Variants in RBFOX3 observed in about 807,000 individuals in gnomAD.
RBFOX3 encodes the protein RNA binding fox-1 homolog 3.
In RBFOX3, 17 loss-of-function variants were observed where a neutral mutation model predicts 48.7. The ratio of observed to expected loss-of-function variants is 0.35; its 90% confidence interval spans 0.24 to 0.52. The LOEUF (loss-of-function observed/expected upper bound fraction) is 0.52, where lower values mean the gene tolerates loss of function less well. Ranked by LOEUF, RBFOX3 falls within the 20% of genes least tolerant of loss-of-function variation. RBFOX3 has a pLI of 0.94. For synonymous variants in RBFOX3, 212 were observed against 209.5 expected (o/e 1.01, Z -0.10); for missense variants, 382 against 497.5 (o/e 0.77, Z 2.21).
intron 1 of RBFOX3, among the ~76,000 whole-genome samples, chr17:79,555,060 T>G (rs2091514379): frequency 6.6e-6 from 1 of 152,170 alleles, no homozygotes; most frequent in South Asian, 2.1e-4. Context: ...CAGGCAGACT[T>G]GAGTTGGAAT....
chr17:79,506,268 G>C (rs2083103201), intron 1 of RBFOX3, among the ~76,000 whole-genome samples: 1 of 152,206 alleles, frequency 6.6e-6, no homozygotes, highest in Non-Finnish European at 1.5e-5. Flanking sequence ...AGAAGGGGTG[G>C]GGAGGGACTT....
intron 4 of RBFOX3, among the ~76,000 whole-genome samples, chr17:79,143,079 G>A (rs2042231017): frequency 6.6e-6 from 1 of 152,184 alleles, no homozygotes; most frequent in Non-Finnish European, 1.5e-5. Context: ...GGGACTCACA[G>A]CAGGCTGCAA....
intron 1 of RBFOX3, among the ~76,000 whole-genome samples, chr17:79,516,511 C>T (rs2085269069): frequency 1.3e-5 from 2 of 152,266 alleles, no homozygotes; most frequent in South Asian, 2.1e-4. Flanking sequence ...AGAGGGGCTC[C>T]AGGCCTTAGA....
chr17:79,476,606 A>G (rs2077797909), intron 2 of RBFOX3, among the ~76,000 whole-genome samples: 1 of 152,182 alleles, frequency 6.6e-6, no homozygotes, highest in Non-Finnish European at 1.5e-5. Flanking sequence ...TTGAAGGGGA[A>G]AGGAAAGAGG....
intron 1 of RBFOX3, among the ~76,000 whole-genome samples, chr17:79,533,286 G>A (rs2088132010): frequency 6.6e-6 from 1 of 152,244 alleles, no homozygotes; most frequent in African/African-American, 2.4e-5. Flanking sequence ...ACTGGAGGCA[G>A]AGAGTCGAGT....
At chr17:79,595,312 G>A (rs1936115154) in intron 1 of RBFOX3, among the ~76,000 whole-genome samples, 1 of 152,174 alleles carries the variant, frequency 6.6e-6, no homozygotes, top group Non-Finnish European at 1.5e-5. Flanking sequence ...TCCCACTGAG[G>A]CCCACCGTGC....
At chr17:79,327,996 CCTT>C (rs1020046412) in intron 2 of RBFOX3, among the ~76,000 whole-genome samples, 23 of 152,306 alleles carry the variant, frequency 1.5e-4, no homozygotes, top group African/African-American at 2.9e-4. Flanking sequence ...ACCTGGCCTT[CCTT>C]CTCTCTCTTA....
chr17:79,366,363 T>C (rs1319273752), intron 2 of RBFOX3, among the ~76,000 whole-genome samples: 4 of 152,214 alleles, frequency 2.6e-5, no homozygotes, highest in African/African-American at 4.8e-5. Context: ...GCTGTCTCTA[T>C]ACTAAGCCGT....
intron 4 of RBFOX3, among the ~76,000 whole-genome samples, chr17:79,169,816 A>C (rs2048773251): frequency 6.6e-6 from 1 of 152,208 alleles, no homozygotes; most frequent in Admixed American, 6.5e-5. Flanking sequence ...CACAACGCTG[A>C]GAATATACTG....
intron 4 of RBFOX3, among the ~76,000 whole-genome samples, chr17:79,149,619 C>T (rs921053277): frequency 5.3e-5 from 8 of 152,020 alleles, no homozygotes; most frequent in African/African-American, 7.2e-5. Context: ...CTGCCTTCCC[C>T]GCCAGCTGGA....
intron 4 of RBFOX3, among the ~76,000 whole-genome samples, chr17:79,173,621 G>A (rs1001048868): frequency 2.6e-5 from 4 of 152,154 alleles, no homozygotes; most frequent in African/African-American, 7.2e-5. Context: ...GTGACGGCAC[G>A]GCACTGGATG....
chr17:79,665,231 T>C, the RBFOX3 span, among the ~76,000 whole-genome samples: 1 of 152,238 alleles, frequency 6.6e-6, no homozygotes. Context: ...AGAATTTTTA[T>C]GTCCCTTTTA....
At chr17:79,508,953 T>G (rs1478411732) in intron 1 of RBFOX3, 1 of 152,328 alleles carries the variant, frequency 6.6e-6, no homozygotes, top group African/African-American at 2.4e-5. Flanking sequence ...CCAGTCCACA[T>G]CAGGCTCTCA....
chr17:79,138,775 CA>C (rs1440055848), intron 4 of RBFOX3, among the ~76,000 whole-genome samples: 57 of 116,810 alleles, frequency 4.9e-4, no homozygotes, highest in African/African-American at 6.8e-4. Flanking sequence ...AACATGCACA[CA>C]GCACATGCCT....
intron 4 of RBFOX3, among the ~76,000 whole-genome samples, chr17:79,117,121 G>T (rs2034243338): frequency 6.6e-6 from 1 of 152,224 alleles, no homozygotes; most frequent in South Asian, 2.1e-4. Flanking sequence ...GTCCTCCACT[G>T]CAGACACAGC....
intron 1 of RBFOX3, among the ~76,000 whole-genome samples, chr17:79,533,616 C>T (rs80232006): frequency 0.025 from 3,879 of 152,298 alleles, 101 homozygotes; most frequent in African/African-American, 0.056. Context: ...ATAGATACCC[C>T]GCGATGGGGA....
At chr17:79,371,815 G>A (rs774360629) in intron 2 of RBFOX3, among the ~76,000 whole-genome samples, 1 of 152,216 alleles carries the variant, frequency 6.6e-6, no homozygotes, top group Non-Finnish European at 1.5e-5. Context: ...CGTGCCCTGA[G>A]GGACCTGGCA....
intron 2 of RBFOX3, among the ~76,000 whole-genome samples, chr17:79,453,240 C>T (rs2073874493): frequency 6.6e-6 from 1 of 152,266 alleles, no homozygotes; most frequent in Non-Finnish European, 1.5e-5. Context: ...ATGCTGGCCA[C>T]ACCCTAAGTC....
rs959572654 is a variant in RBFOX3, at chr17:79,361,032, T to C, written c.-174-53208A>G. Among the ~76,000 whole-genome samples the C allele has an allele frequency of 3.3e-5, 5 of 152,114 alleles. No homozygotes were observed. Among genetic ancestry groups the C allele is most frequent in the African/African-American group, 1.2e-4 (5 of 41,418 alleles). ...CCGTGCCTGGGAAGAACATCAGCTT[T>C]TGGAAACAGAAGTTCACGTCTCAGG... On this transcript the variant is annotated intron_variant, in intron 2 of 14. Coordinates refer to ENST00000693108, the MANE Select transcript of RBFOX3 (RefSeq NM_001350451.2). The surrounding 1 kb of genome is among the most constrained non-coding windows in gnomAD (Gnocchi z 4.5).
Sources: allele counts gnomAD v4.1 joint callset (sites outside exome capture counted in the v4.1 genomes callset), GRCh38; gene constraint gnomAD v4.1.1; non-coding constraint Gnocchi (gnomAD v3.1); transcripts MANE v1.5; gene names NCBI Gene and HGNC (gene_info 2026-07-23, HGNC 2026-07-21).